The following MICU3 variants were observed in gnomAD, a reference collection of about 807,000 sequenced individuals.
MICU3 encodes mitochondrial calcium uptake 3.
In MICU3, 62 loss-of-function variants were observed where a neutral mutation model predicts 66.5. That is an observed-to-expected ratio of 0.93 (90% CI 0.76 to 1.15). The LOEUF is 1.15. Among genes scored for constraint, MICU3 ranks in the 50% most tolerant of loss-of-function variants. The pLI is 0.00. For missense variants in MICU3, 779 were observed against 664.4 expected (o/e 1.17, Z -1.90); for synonymous variants, 308 against 240.7 (o/e 1.28, Z -2.59).
chr8:17,106,329 C>T (rs142596690), intron 11 of MICU3, among the ~76,000 whole-genome samples: 8 of 151,630 alleles, frequency 5.3e-5, no homozygotes, highest in Admixed American at 3.3e-4. Flanking sequence ...TAACAATTTT[C>T]CATTTCCCCT....
At chr8:17,065,517 T>C (rs62503726) in intron 2 of MICU3, among the ~76,000 whole-genome samples, 38,918 of 151,884 alleles carry the variant, frequency 0.26, 5,182 homozygotes, top group South Asian at 0.36. Context: ...CTTTAAAAGA[T>C]GAATGGACAA....
chr8:17,126,455 G>A (rs1328393278), downstream of MICU3, among the ~76,000 whole-genome samples: 2 of 151,976 alleles, frequency 1.3e-5, no homozygotes, highest in African/African-American at 4.8e-5. Flanking sequence ...AGGAAAAATC[G>A]GCATCCAAAA....
intron 11 of MICU3, 113 bp downstream of exon 11, chr8:17,105,697 G>A: frequency 1.9e-6 from 1 of 538,848 alleles, no homozygotes; most frequent in South Asian, 3.9e-5. Flanking sequence ...AAGATATCTT[G>A]GATGTGTTTC....
chr8:17,116,350 T>C, intron 12 of MICU3, 93 bp from the exon 13 acceptor site: 1 of 815,404 alleles, frequency 1.2e-6, no homozygotes, highest in Non-Finnish European at 1.7e-6. Context: ...GATTCACATT[T>C]AGAAAACAAC....
At chr8:17,090,021 A>C (rs927238122) in intron 7 of MICU3, among the ~76,000 whole-genome samples, 2 of 152,202 alleles carry the variant, frequency 1.3e-5, no homozygotes, top group South Asian at 2.1e-4. Flanking sequence ...CTCATTGTTA[A>C]TGTTACTCCC....
chr8:17,071,270 T>G (rs1030165545), intron 3 of MICU3, among the ~76,000 whole-genome samples: 1 of 152,130 alleles, frequency 6.6e-6, no homozygotes, highest in African/African-American at 2.4e-5. Flanking sequence ...AGACATTTAT[T>G]TTCTCACGGT....
In MICU3 at chr8:17,064,177, G is replaced by A. The variant is rs1240680025; in HGVS notation, c.475G>A (p.Gly159Arg). The A allele has an allele frequency of 6.2e-7, 1 of 1,613,046 alleles. No homozygotes were observed. The highest frequency in any genetic ancestry group is 1.1e-5 in the South Asian group (1 of 90,950). ...TTTATTTGCTTCTATAGAATGTGAA[G>A]GGCAGTTATTCATGACTCCGTATGA... is the stretch of plus-strand genomic sequence containing the variant. ...FRLFASIECE[G>R]QLFMTPYDFI... Residue 159 changes from glycine (G) to arginine (R), a missense_variant, in exon 2 of 15, where the codon GGG becomes AGG. Physicochemically the swap from Gly to Arg is moderately radical, Grantham distance 125 (BLOSUM62 -2). Coordinates refer to ENST00000318063, the MANE Select transcript of MICU3 (RefSeq NM_181723.3).
chr8:17,129,059 G>C, the MICU3 span, among the ~76,000 whole-genome samples: 2 of 152,140 alleles, frequency 1.3e-5, no homozygotes, highest in African/African-American at 4.8e-5. Flanking sequence ...TTAAGTAAAG[G>C]TCACAGGTTA....
intron 1 of MICU3, among the ~76,000 whole-genome samples, chr8:17,030,315 T>C (rs995647852): frequency 4.6e-5 from 7 of 152,258 alleles, no homozygotes; most frequent in Non-Finnish European, 4.4e-5. Context: ...TGTCTCTTAC[T>C]TGAGAACCTC....
At chr8:17,130,904 T>G in the MICU3 span, among the ~76,000 whole-genome samples, 8 of 152,232 alleles carry the variant, frequency 5.3e-5, no homozygotes, top group African/African-American at 1.7e-4. Context: ...AATCAGTTTT[T>G]AATGAAGATT....
chr8:17,106,848 C>T (rs1801786075), intron 11 of MICU3, among the ~76,000 whole-genome samples: 1 of 151,316 alleles, frequency 6.6e-6, no homozygotes. Context: ...AGACCGTTGT[C>T]CAAGGATTCA....
chr8:17,096,507 A>G (rs543439088), intron 8 of MICU3, among the ~76,000 whole-genome samples: 34 of 152,004 alleles, frequency 2.2e-4, no homozygotes, highest in Middle Eastern at 3.4e-3. Flanking sequence ...TGAGTGTGCC[A>G]GGCATATCAC....
Position 17,069,317 on chromosome 8 carries a change from A to G in MICU3, c.536-371A>G, listed in dbSNP as rs112061001. 5.4e-3 allele frequency among the ~76,000 whole-genome samples: 815 copies of G among 152,280 alleles called. 8 individuals carry two copies. Among genetic ancestry groups the G allele is most frequent in the Non-Finnish European group, 8.5e-3 (575 of 68,000 alleles). ...TTAAAATTATAGTTTATCTATGTTAATGTTATTTTATATTCTAGTTTGAAT... is the reference window on the plus strand; with the variant it reads ...TTAAAATTATAGTTTATCTATGTTAGTGTTATTTTATATTCTAGTTTGAAT... On this transcript the variant is annotated intron_variant, in intron 2 of 14. Transcript: ENST00000318063.
At chr8:17,056,546 A>G (rs1008328557) in intron 1 of MICU3, among the ~76,000 whole-genome samples, 2 of 152,210 alleles carry the variant, frequency 1.3e-5, no homozygotes, top group African/African-American at 2.4e-5. Flanking sequence ...TCATGATTGA[A>G]TGGAAGAGAC....
At chr8:17,128,349 C>G in the MICU3 span, among the ~76,000 whole-genome samples, 1 of 151,530 alleles carries the variant, frequency 6.6e-6, no homozygotes, top group South Asian at 2.1e-4. Context: ...TCAACCAAAT[C>G]CAGATAAAGG....
At chr8:17,089,705 A>G (rs1799841761) in intron 7 of MICU3, among the ~76,000 whole-genome samples, 1 of 151,710 alleles carries the variant, frequency 6.6e-6, no homozygotes, top group Admixed American at 6.6e-5. Context: ...GTTTTTTTTC[A>G]TTTGTACGAT....
chr8:17,126,683 T>C (rs912188817), downstream of MICU3, among the ~76,000 whole-genome samples: 2 of 152,242 alleles, frequency 1.3e-5, no homozygotes, highest in Non-Finnish European at 2.9e-5. Context: ...GAATAAATCA[T>C]GAAGGCTATG....
At chr8:17,080,632 A>G (rs111488240) in intron 4 of MICU3, among the ~76,000 whole-genome samples, 1,846 of 152,190 alleles carry the variant, frequency 0.012, 38 homozygotes, top group African/African-American at 0.042. Context: ...TCTTTCTCCC[A>G]TAACATTCAT....
chr8:17,086,578 G>A (rs1799495505), intron 6 of MICU3, among the ~76,000 whole-genome samples: 2 of 152,188 alleles, frequency 1.3e-5, no homozygotes, highest in South Asian at 4.1e-4. Flanking sequence ...GTACACAACT[G>A]TATTTTAGGA....
Sources: allele counts gnomAD v4.1 joint callset (sites outside exome capture counted in the v4.1 genomes callset), GRCh38; gene constraint gnomAD v4.1.1; transcripts MANE v1.5; gene names NCBI Gene and HGNC (gene_info 2026-07-23, HGNC 2026-07-21).